AGAP1: variants seen among roughly 807,000 people sequenced by gnomAD.
AGAP1 encodes ArfGAP with GTPase domain, ankyrin repeat and PH domain 1, also known as arf-GAP with GTPase, ANK repeat and PH domain-containing protein 1.
AGAP1 carries 29 observed loss-of-function variants against 105.3 expected under a neutral mutation model. That is an observed-to-expected ratio of 0.28 (90% CI 0.21 to 0.38). The LOEUF (loss-of-function observed/expected upper bound fraction) is 0.38. AGAP1 is among the 10% of genes least tolerant of loss of function. The pLI, the probability that AGAP1 is intolerant of heterozygous loss-of-function variation, is 1.00. For missense variants in AGAP1, 998 were observed against 1,165.1 expected (o/e 0.86, Z 2.09); for synonymous variants, 509 against 485.9 (o/e 1.05, Z -0.63).
rs1398469195 is a variant in AGAP1 at position 235,623,963 on chromosome 2, C to G, written c.164-85216C>G. ...TTGTGTTTCTGAGTGTGCTTGTAAGCAGTCTTAGGGGATCTGTCACTGCTT... is the reference window on the plus strand; with the variant it reads ...TTGTGTTTCTGAGTGTGCTTGTAAGGAGTCTTAGGGGATCTGTCACTGCTT... On this transcript the variant is annotated intron_variant, in intron 1 of 17. Coordinates refer to ENST00000304032, the MANE Select transcript of AGAP1 (RefSeq NM_001037131.3). The surrounding 1 kb of genome is among the most constrained non-coding windows in gnomAD (Gnocchi z 4.5). Among the ~76,000 whole-genome samples, 1 of 152,102 alleles carries G rather than the reference C, an allele frequency of 6.6e-6. No homozygotes were observed. The highest frequency in any genetic ancestry group is 1.5e-5 in the Non-Finnish European group (1 of 68,036).
At chr2:236,063,447 T>A (rs1169133106) in intron 16 of AGAP1, among the ~76,000 whole-genome samples, 4 of 152,222 alleles carry the variant, frequency 2.6e-5, no homozygotes, top group Non-Finnish European at 5.9e-5. Flanking sequence ...TGTTGATGTT[T>A]AGTTTTCTTT....
intron 1 of AGAP1, among the ~76,000 whole-genome samples, chr2:235,542,627 A>G (rs185344572): frequency 6.6e-6 from 1 of 152,382 alleles, no homozygotes; most frequent in Non-Finnish European, 1.5e-5. Context: ...CATATTTTAC[A>G]TGTACAATCA....
Position 236,083,288 on chromosome 2 carries a change from A to T in AGAP1, c.2114+34007A>T, listed in dbSNP as rs2058836754. On this transcript the variant is annotated intron_variant, in intron 16 of 17. Coordinates refer to ENST00000304032, the MANE Select transcript of AGAP1 (RefSeq NM_001037131.3). This position sits in a 1 kb window ranked among gnomAD's most constrained non-coding sequence, Gnocchi z 5.3. ...GGTCAGTGTGTGCCTAATAATGCAG[A>T]TGTCATGTGATGAGCTCGGTTTGTT... Among the ~76,000 whole-genome samples the T allele has an allele frequency of 6.6e-6, 1 of 152,226 alleles. No individual in the cohort carries two copies. Among genetic ancestry groups the T allele is most frequent in the Admixed American group, 6.5e-5 (1 of 15,288 alleles).
chr2:236,092,453 T>C lies in AGAP1; in HGVS notation c.2115-27739T>C, dbSNP rs2059085884. 6.6e-6 allele frequency among the ~76,000 whole-genome samples: 1 copy of C among 152,168 alleles called. No individual in the cohort carries two copies. Among genetic ancestry groups the C allele is most frequent in the Non-Finnish European group, 1.5e-5 (1 of 68,020 alleles). ...TGTCACCCAGGCTGGAGTGTAGTGG[T>C]GCAGTCTCGTCTCACTGCAACCTCC... On this transcript the variant is annotated intron_variant, in intron 16 of 17. Coordinates refer to ENST00000304032, the MANE Select transcript of AGAP1 (RefSeq NM_001037131.3). This position sits in a 1 kb window ranked among gnomAD's most constrained non-coding sequence, Gnocchi z 4.7.
In AGAP1 at chr2:235,792,955, C is replaced by T. The variant is rs1957067144; in HGVS notation, c.674-4804C>T. The stretch of plus-strand genomic sequence containing the variant: ...GGCAGAGGGCATGGGAAAAAGGACA[C>T]CAGGAGGATGCCAGGGAAGCACCCG... On this transcript the variant is annotated intron_variant, in intron 6 of 17. Transcript: ENST00000304032. This position sits in a 1 kb window ranked among gnomAD's most constrained non-coding sequence, Gnocchi z 5.3. Among the ~76,000 whole-genome samples, 1 of 152,026 alleles carries T rather than the reference C, an allele frequency of 6.6e-6. No individual in the cohort carries two copies. The highest frequency in any genetic ancestry group is 2.4e-5 in the African/African-American group (1 of 41,404).
intron 9 of AGAP1, among the ~76,000 whole-genome samples, chr2:235,833,855 GTT>G (rs77488721): frequency 5.6e-5 from 7 of 124,904 alleles, no homozygotes; most frequent in African/African-American, 1.0e-4. Flanking sequence ...CTCCAATCTG[GTT>G]TTTTTTTTTT....
At chr2:235,804,443 T>C (rs951413035) in intron 8 of AGAP1, among the ~76,000 whole-genome samples, 1 of 152,204 alleles carries the variant, frequency 6.6e-6, no homozygotes, top group South Asian at 2.1e-4. Flanking sequence ...CGAAGAGAAC[T>C]GTTTCAATGG....
At chr2:235,573,419 A>T (rs965240314) in intron 1 of AGAP1, among the ~76,000 whole-genome samples, 1 of 151,950 alleles carries the variant, frequency 6.6e-6, no homozygotes, top group African/African-American at 2.4e-5. Context: ...ACGTACTTAC[A>T]TTTTTTGTTT....
chr2:236,127,172 A>AGTGGAGGGGT lies in AGAP1; in HGVS notation c.*3055_*3064dup, dbSNP rs1307790262. The AGTGGAGGGGT allele has an allele frequency of 6.6e-6, 1 of 152,016 alleles. No individual in the cohort carries two copies. Among genetic ancestry groups the AGTGGAGGGGT allele is most frequent in the African/African-American group, 2.4e-5 (1 of 41,356 alleles). 9.4% of individuals were successfully genotyped at this position (152,016 alleles called of 1,614,324 possible). On this transcript the variant is annotated 3_prime_UTR_variant, in exon 18 of 18. Coordinates refer to ENST00000304032, the MANE Select transcript of AGAP1 (RefSeq NM_001037131.3). This position sits in a 1 kb window ranked among gnomAD's most constrained non-coding sequence, Gnocchi z 6.6. ...TTCGCGGAGACTGAACTTGGCGGGG[A>AGTGGAGGGGT]GTGGAGGGGTGTGGTGCAGACCTGG...
chr2:236,066,189 T>G (rs2058340619), intron 16 of AGAP1, among the ~76,000 whole-genome samples: 1 of 152,226 alleles, frequency 6.6e-6, no homozygotes, highest in African/African-American at 2.4e-5. Context: ...CTGCAGTGAA[T>G]GCACAAATTA....
intron 15 of AGAP1, among the ~76,000 whole-genome samples, chr2:236,048,324 T>C (rs2057786483): frequency 6.6e-6 from 1 of 152,196 alleles, no homozygotes; most frequent in Admixed American, 6.5e-5. Context: ...TCTGAATCCA[T>C]TTCTTGTCCT....
chr2:236,066,147 C>T (rs1177726315), intron 16 of AGAP1, among the ~76,000 whole-genome samples: 1 of 152,242 alleles, frequency 6.6e-6, no homozygotes, highest in East Asian at 1.9e-4. Flanking sequence ...CGTTTACTGA[C>T]ACATGGGCCT....
At chr2:236,085,792 G>A (rs562787558) in intron 16 of AGAP1, among the ~76,000 whole-genome samples, 330 of 152,352 alleles carry the variant, frequency 2.2e-3, no homozygotes, top group Non-Finnish European at 4.2e-3. Flanking sequence ...TGGCTCCATG[G>A]GCCGCCTCAG....
intron 2 of AGAP1, among the ~76,000 whole-genome samples, chr2:235,709,527 G>GTGTGT (rs1255321206): frequency 2.0e-5 from 3 of 151,908 alleles, no homozygotes; most frequent in African/African-American, 7.2e-5. Flanking sequence ...GTGGGTGTGT[G>GTGTGT]TGTGTCCACA....
At chr2:235,846,169 G>A (rs1387047526) in intron 9 of AGAP1, among the ~76,000 whole-genome samples, 1 of 152,102 alleles carries the variant, frequency 6.6e-6, no homozygotes, top group Non-Finnish European at 1.5e-5. Flanking sequence ...TTACTGGACT[G>A]TTGGAAATTT....
rs941682004 is a variant in AGAP1, at chr2:235,737,888, C to T, written c.311-3075C>T. ...CTGGGGCCAGCGTGCTTGGACAAGACGAAGCCTCATCAAAGTTGAACCTTA... is the reference window on the plus strand; with the variant it reads ...CTGGGGCCAGCGTGCTTGGACAAGATGAAGCCTCATCAAAGTTGAACCTTA... On this transcript the variant is annotated intron_variant, in intron 3 of 17. Transcript: ENST00000304032. The surrounding 1 kb of genome is among the most constrained non-coding windows in gnomAD (Gnocchi z 4.5). Among the ~76,000 whole-genome samples the T allele has an allele frequency of 5.9e-5, 9 of 151,936 alleles. No individual in the cohort carries two copies. Among genetic ancestry groups the T allele is most frequent in the Admixed American group, 4.6e-4 (7 of 15,256 alleles).
In AGAP1 at chr2:236,122,378, ATTG is replaced by A. The variant is rs370529819; in HGVS notation, c.2371-1537_2371-1535del. Among the ~76,000 whole-genome samples the A allele has an allele frequency of 4.9e-3, 748 of 152,254 alleles. 6 individuals carry two copies. The highest frequency in any genetic ancestry group is 0.017 in the African/African-American group (697 of 41,548). ...TGGGTGTCAGGACTTAAACATGTGAATTGTTGGTGGGAGCGGGGGACACAGTTA... is the reference window on the plus strand; with the variant it reads ...TGGGTGTCAGGACTTAAACATGTGAATTGGTGGGAGCGGGGGACACAGTTA... On this transcript the variant is annotated intron_variant, in intron 17 of 17. Transcript: ENST00000304032.
chr2:235,543,682 CTG>C (rs946556783), intron 1 of AGAP1, among the ~76,000 whole-genome samples: 3 of 152,148 alleles, frequency 2.0e-5, no homozygotes, highest in Non-Finnish European at 4.4e-5. Flanking sequence ...CTCCAAGGAT[CTG>C]TGTTTCCTGG....
At chr2:235,984,611 C>T (rs542561592) in intron 13 of AGAP1, among the ~76,000 whole-genome samples, 1 of 152,064 alleles carries the variant, frequency 6.6e-6, no homozygotes, top group Admixed American at 6.5e-5. Context: ...TCACCCCCGA[C>T]CCCCAAACAG....
Sources: allele counts gnomAD v4.1 joint callset (sites outside exome capture counted in the v4.1 genomes callset), GRCh38; gene constraint gnomAD v4.1.1; non-coding constraint Gnocchi (gnomAD v3.1); transcripts MANE v1.5; gene names NCBI Gene and HGNC (gene_info 2026-07-23, HGNC 2026-07-21).